Variants in DST observed in about 807,000 individuals in gnomAD.
DST encodes the protein dystonin.
Under a neutral mutation model 875.2 loss-of-function variants are expected in DST, and 253 were observed. The observed-to-expected ratio is 0.29, with a 90% CI of 0.26 to 0.32. The LOEUF (loss-of-function observed/expected upper bound fraction) is 0.32, where lower values mean the gene tolerates loss of function less well. Ranked by LOEUF, DST falls within the 10% of genes least tolerant of loss-of-function variation. The pLI, the probability that DST is intolerant of heterozygous loss-of-function variation, is 1.00. For missense variants in DST, 8,287 were observed against 9,111.6 expected, an observed-to-expected ratio of 0.91 and a Z score of 3.68; for synonymous variants, 3,124 against 3,197.1, an observed-to-expected ratio of 0.98 and a Z score of 0.77.
intron 97 of DST, 65 bp from the exon 98 acceptor site, chr6:56,469,064 T>C: frequency 7.8e-7 from 1 of 1,287,604 alleles, no homozygotes; most frequent in Non-Finnish European, 1.1e-6. Context: ...TGTATGACTC[T>C]AGAACATACA....
At chr6:56,856,337 C>CG (rs1351445084) in intron 3 of DST, among the ~76,000 whole-genome samples, 1 of 152,094 alleles carries the variant, frequency 6.6e-6, no homozygotes, top group African/African-American at 2.4e-5. Flanking sequence ...CTACAGGCAA[C>CG]GGAGAAAAGT....
intron 91 of DST, 60 bp downstream of exon 91, chr6:56,477,285 C>G (rs549073836): frequency 6.5e-7 from 1 of 1,535,636 alleles, no homozygotes; most frequent in South Asian, 1.3e-5. Flanking sequence ...CCTGAAATTT[C>G]CCACACCCCT....
chr6:56,748,381 C>A (rs1031731278), intron 4 of DST, among the ~76,000 whole-genome samples: 1 of 152,156 alleles, frequency 6.6e-6, no homozygotes, highest in African/African-American at 2.4e-5. Flanking sequence ...AACTGGCTAG[C>A]AATTTCAGCT....
At chr6:56,702,097 TAAG>T in intron 7 of DST, 132 bp from the exon 8 acceptor site, 1 of 538,796 alleles carries the variant, frequency 1.9e-6, no homozygotes, top group Non-Finnish European at 3.3e-6. Flanking sequence ...TAAGATTTTC[TAAG>T]AAGGTTTCAA....
intron 2 of DST, among the ~76,000 whole-genome samples, chr6:56,918,836 G>A (rs1453396594): frequency 6.6e-6 from 1 of 152,174 alleles, no homozygotes. Context: ...AGGTTGCAGT[G>A]AGCTGAGATC....
chr6:56,619,625 T>A, intron 36 of DST: 1 of 1,613,926 alleles, frequency 6.2e-7, no homozygotes, highest in Non-Finnish European at 8.5e-7. Flanking sequence ...TAATTCTAAC[T>A]GATAATTGCG....
At position 56,630,236 on chromosome 6, in the gene DST, G is replaced by C; in HGVS notation, c.4281+9C>G. ...GATATTTAAAAATATCCAAAAGTGA[G>C]TCTCATACCTTTAAAGTACTTATTA... On this transcript the variant is annotated intron_variant, in intron 31 of 103. Transcript: ENST00000680361. The C allele has an allele frequency of 1.9e-6, 3 of 1,562,430 alleles. No homozygotes were observed. The highest frequency in any genetic ancestry group is 2.6e-6 in the Non-Finnish European group (3 of 1,135,984).
intron 4 of DST, among the ~76,000 whole-genome samples, chr6:56,844,453 A>G (rs2099804817): frequency 6.6e-6 from 1 of 152,220 alleles, no homozygotes; most frequent in African/African-American, 2.4e-5. Context: ...ACTAGTATCC[A>G]TTAAACTGAG....
intron 4 of DST, among the ~76,000 whole-genome samples, chr6:56,735,711 G>A (rs958032834): frequency 2.0e-5 from 3 of 152,146 alleles, no homozygotes; most frequent in Admixed American, 6.6e-5. Context: ...AAGACTTAAC[G>A]AGGATAAAAG....
In DST at chr6:56,606,621, C is replaced by A; in HGVS notation, c.8007G>T (p.Met2669Ile). Residue 2669 changes from methionine to isoleucine, a missense_variant, in exon 40 of 104, where the codon ATG (methionine) becomes ATT (isoleucine). Coordinates refer to ENST00000680361, the MANE Select transcript of DST (RefSeq NM_001374736.1). Reference protein sequence around the residue: ...YDVSKENENSMVPQGAPVGSL... With the variant: ...YDVSKENENSIVPQGAPVGSL... ...TACCAACTGGTGCCCCCTGGGGAAC[C>A]ATGGAATTTTCATTCTCTTTTGAGA... 2 of 1,613,536 alleles carry A rather than the reference C, an allele frequency of 1.2e-6. No individual in the cohort carries two copies. The highest frequency in any genetic ancestry group is 1.7e-6 in the Non-Finnish European group (2 of 1,179,606).
Position 56,667,828 on chromosome 6 carries a change from T to TATATAC in DST, c.1214+2812_1214+2813insGTATAT, listed in dbSNP as rs1554596727. On this transcript the variant is annotated intron_variant, in intron 10 of 103. Transcript: ENST00000680361. ...AAAATGCATTATATATATATATATA[T>TATATAC]ACACACACACACACACATACACCAA... 2.7e-3 allele frequency among the ~76,000 whole-genome samples: 400 copies of TATATAC among 149,864 alleles called. 2 individuals carry two copies. The highest frequency in any genetic ancestry group is 7.1e-3 in the African/African-American group (291 of 40,700).
intron 53 of DST, among the ~76,000 whole-genome samples, chr6:56,571,871 T>C (rs1390841059): frequency 6.6e-6 from 1 of 152,202 alleles, no homozygotes; most frequent in Non-Finnish European, 1.5e-5. Context: ...TATGCAACAT[T>C]TTCCACTTTT....
rs1196191114 is a variant in DST, at chr6:56,529,838, A to G, written c.17269-64T>C. 2.7e-6 allele frequency: 4 copies of G among 1,459,630 alleles called. No homozygotes were observed. In the African/African-American group the frequency reaches 5.7e-5, roughly 21 times the overall value. 90.4% of individuals were successfully genotyped at this position (1,459,630 alleles called of 1,614,324 possible). On this transcript the variant is annotated intron_variant, in intron 65 of 103. Coordinates refer to ENST00000680361, the MANE Select transcript of DST (RefSeq NM_001374736.1). ...AGAATGGACAAATAAAAATGAAAACATAAATAAAACTAAAGCATGACATGT... is the reference window on the plus strand; with the variant it reads ...AGAATGGACAAATAAAAATGAAAACGTAAATAAAACTAAAGCATGACATGT...
At chr6:56,670,871 A>C (rs927094158) in intron 9 of DST, 64 bp from the exon 10 acceptor site, 17 of 1,119,064 alleles carry the variant, frequency 1.5e-5, no homozygotes, top group Non-Finnish European at 2.0e-5. Context: ...TTAAGAACCT[A>C]CTATGTGCCA....
intron 15 of DST, among the ~76,000 whole-genome samples, chr6:56,644,409 G>A (rs916440106): frequency 6.6e-6 from 1 of 152,088 alleles, no homozygotes; most frequent in African/African-American, 2.4e-5. Context: ...TCACAACGTT[G>A]AATCCTGAAG....
chr6:56,569,966 C>T lies in DST; in HGVS notation c.13768G>A (p.Val4590Ile). 1 of 1,608,326 alleles carries T rather than the reference C, an allele frequency of 6.2e-7. No homozygotes were observed. Among genetic ancestry groups the T allele is most frequent in the Non-Finnish European group, 8.5e-7 (1 of 1,178,270 alleles). ...SCQEQLDAFQVLVKSLKSWIK... is the reference protein window; with the variant it reads ...SCQEQLDAFQILVKSLKSWIK... ...CATGACTTCAATGATTTAACAAGAA[C>T]TTGGAAAGCATCCAACTGTTCTTGA... Residue 4590 changes from valine to isoleucine, a missense_variant, in exon 54 of 104, where the codon GTT (valine) becomes ATT (isoleucine). Transcript: ENST00000680361.
Position 56,463,055 on chromosome 6 carries a change from T to C in DST, c.23061A>G (p.Pro7687=). Residue 7687 remains proline (P), a synonymous_variant, in exon 102 of 104, where the codon CCA becomes CCG. Transcript: ENST00000680361. ...KAAECSDFPV[P]SAEGTPIQGS... Reference sequence around the variant, plus strand: ...TGGGGCCTTACAATACCTCTGCAGATGGCACGGGAAAGTCTGAGCACTCTG... The same window carrying C: ...TGGGGCCTTACAATACCTCTGCAGACGGCACGGGAAAGTCTGAGCACTCTG... 2 of 1,607,474 alleles carry C rather than the reference T, an allele frequency of 1.2e-6. No individual in the cohort carries two copies. Among genetic ancestry groups the C allele is most frequent in the Non-Finnish European group, 1.7e-6 (2 of 1,174,962 alleles).
chr6:56,640,753 T>A, intron 17 of DST, 148 bp from the exon 18 acceptor site: 1 of 704,648 alleles, frequency 1.4e-6, no homozygotes, highest in Non-Finnish European at 2.5e-6. Flanking sequence ...TAATGCAAGA[T>A]GTAAATAACA....
At chr6:56,500,597 G>C (rs1249561707) in intron 80 of DST, among the ~76,000 whole-genome samples, 5 of 152,098 alleles carry the variant, frequency 3.3e-5, no homozygotes, top group African/African-American at 1.2e-4. Flanking sequence ...GAGATGTACA[G>C]ACAGATAAAA....
Sources: allele counts gnomAD v4.1 joint callset (sites outside exome capture counted in the v4.1 genomes callset), GRCh38; gene constraint gnomAD v4.1.1; transcripts MANE v1.5; gene names NCBI Gene and HGNC (gene_info 2026-07-23, HGNC 2026-07-21).